FBN2: variants seen among roughly 807,000 people sequenced by gnomAD.
The protein encoded by FBN2 is fibrillin-2.
In FBN2, 105 loss-of-function variants were observed where a neutral mutation model predicts 355.6. That is an observed-to-expected ratio of 0.30 (90% CI 0.25 to 0.35). FBN2 has a LOEUF of 0.35. Among genes scored for constraint, FBN2 ranks in the 10% least tolerant of loss-of-function variants. The pLI is 1.00. For missense variants in FBN2, 3,280 were observed against 3,758.7 expected (o/e 0.87, Z 3.33); for synonymous variants, 1,350 against 1,301.2 (o/e 1.04, Z -0.81).
intron 12 of FBN2, 94 bp downstream of exon 12, chr5:128,378,677 T>C: frequency 7.6e-7 from 1 of 1,322,494 alleles, no homozygotes; most frequent in South Asian, 1.2e-5. Context: ...ACACTTATTT[T>C]ATTCCATGTT....
At chr5:128,484,904 G>A (rs143226987) in intron 5 of FBN2, among the ~76,000 whole-genome samples, 4 of 152,216 alleles carry the variant, frequency 2.6e-5, no homozygotes, top group East Asian at 1.9e-4. Flanking sequence ...TCACACCCAC[G>A]GGCATGTGAC....
At position 128,530,583 on chromosome 5, in the gene FBN2, T is replaced by C. The variant is rs1486634570; in HGVS notation, c.436+12A>G. On this transcript the variant is annotated intron_variant, in intron 3 of 64. Coordinates refer to ENST00000262464, the MANE Select transcript of FBN2 (RefSeq NM_001999.4). Reference sequence around the variant, plus strand: ...AAAAATGCAGTGAAAAGGCCACAAGTAAGAAACATACTTGATTTTGATCCA... The same window carrying C: ...AAAAATGCAGTGAAAAGGCCACAAGCAAGAAACATACTTGATTTTGATCCA... 1 of 1,583,630 alleles carries C rather than the reference T, an allele frequency of 6.3e-7. No homozygotes were observed. The highest frequency in any genetic ancestry group is 8.7e-7 in the Non-Finnish European group (1 of 1,152,414).
chr5:128,312,505 AAGT>A, intron 37 of FBN2, 126 bp downstream of exon 37: 1 of 915,172 alleles, frequency 1.1e-6, no homozygotes, highest in Middle Eastern at 2.4e-4. Flanking sequence ...TGATCACTGA[AAGT>A]AGTTCAAATT....
intron 42 of FBN2, 120 bp downstream of exon 42, chr5:128,307,015 A>G (rs1749903485): frequency 1.4e-6 from 1 of 727,210 alleles, no homozygotes; most frequent in African/African-American, 1.8e-5. Flanking sequence ...ATCTAACTAT[A>G]TTAGATTGGA....
chr5:128,271,556 T>C (rs899226619), intron 62 of FBN2, among the ~76,000 whole-genome samples: 52 of 152,214 alleles, frequency 3.4e-4, no homozygotes, highest in African/African-American at 1.3e-3. Flanking sequence ...CTTCCCATCC[T>C]TTATTAAATC....
chr5:128,487,068 C>T (rs1755358130), intron 5 of FBN2, among the ~76,000 whole-genome samples: 2 of 152,108 alleles, frequency 1.3e-5, no homozygotes, highest in Non-Finnish European at 2.9e-5. Context: ...CGTATCTGCC[C>T]CCTTTAAAAT....
At chr5:128,513,304 T>A (rs1756182508) in intron 5 of FBN2, among the ~76,000 whole-genome samples, 2 of 152,268 alleles carry the variant, frequency 1.3e-5, no homozygotes, top group Admixed American at 6.5e-5. Flanking sequence ...TACTTTTGAG[T>A]AAATTCTATA....
intron 15 of FBN2, among the ~76,000 whole-genome samples, chr5:128,369,868 A>C (rs1033982438): frequency 5.3e-5 from 8 of 152,184 alleles, no homozygotes; most frequent in African/African-American, 1.9e-4. Context: ...AAACTCAGTA[A>C]ATCCAGTTAT....
intron 34 of FBN2, among the ~76,000 whole-genome samples, chr5:128,324,073 G>T (rs1172029327): frequency 6.6e-6 from 1 of 152,160 alleles, no homozygotes. Context: ...TAGTTTATTT[G>T]CAGAGAGGTG....
chr5:128,358,940 A>AT (rs1751569924), intron 19 of FBN2, among the ~76,000 whole-genome samples: 2 of 152,048 alleles, frequency 1.3e-5, no homozygotes, highest in Admixed American at 1.3e-4. Flanking sequence ...CCTTTAAATA[A>AT]TATGTTGTTA....
intron 20 of FBN2, among the ~76,000 whole-genome samples, chr5:128,352,784 A>G (rs1751401848): frequency 6.6e-6 from 1 of 152,262 alleles, no homozygotes; most frequent in African/African-American, 2.4e-5. Context: ...AAACCTCAAC[A>G]GCATATTGTG....
chr5:128,444,118 T>C (rs557700033), intron 7 of FBN2, among the ~76,000 whole-genome samples: 1 of 133,650 alleles, frequency 7.5e-6, no homozygotes, highest in East Asian at 2.5e-4. Flanking sequence ...CAGGCCGGAC[T>C]GCGGACTGCA....
At chr5:128,533,528 G>C (rs765818117) in intron 2 of FBN2, among the ~76,000 whole-genome samples, 1 of 152,180 alleles carries the variant, frequency 6.6e-6, no homozygotes, top group Non-Finnish European at 1.5e-5. Flanking sequence ...GGACCTAGGG[G>C]CTGAGACTTC....
chr5:128,502,179 A>C (rs915014687), intron 5 of FBN2, among the ~76,000 whole-genome samples: 1 of 151,914 alleles, frequency 6.6e-6, no homozygotes, highest in Non-Finnish European at 1.5e-5. Flanking sequence ...TGGAAGGAAA[A>C]AGGTACAAAC....
rs759805834 is a variant in FBN2 at position 128,393,254 on chromosome 5, T to C, written c.1346A>G (p.Asn449Ser). The C allele has an allele frequency of 3.7e-6, 6 of 1,614,030 alleles. No individual in the cohort carries two copies. In the South Asian group the frequency reaches 4.4e-5, roughly 12 times the overall value. ...GNGFAPSGNGNGYGPGGTGFI... is the reference protein window; with the variant it reads ...GNGFAPSGNGSGYGPGGTGFI... ...GCCTGTCCCTCCTGGGCCATAGCCA[T>C]TGCCATTGCCACTTGGGGCAAAGCC... The change falls in exon 10 of 65, where the codon AAT becomes AGT. Residue 449 changes from asparagine to serine, a missense_variant. Physicochemically the swap from Asn to Ser is conservative, Grantham distance 46 (BLOSUM62 1). Coordinates refer to ENST00000262464, the MANE Select transcript of FBN2 (RefSeq NM_001999.4).
intron 58 of FBN2, 122 bp from the exon 59 acceptor site, chr5:128,276,282 C>T: frequency 2.0e-6 from 2 of 1,003,680 alleles, no homozygotes; most frequent in Non-Finnish European, 3.1e-6. Context: ...TGGAATATAG[C>T]CAGAGAGAAA....
Position 128,328,908 on chromosome 5 carries a change from T to C in FBN2, c.4346-87A>G. The C allele has an allele frequency of 5.7e-6, 8 of 1,394,892 alleles. No individual in the cohort carries two copies. The South Asian group carries it at 7.0e-5, about 12-fold the overall frequency. 86.4% of individuals were successfully genotyped at this position (1,394,892 alleles called of 1,614,324 possible). Reference sequence around the variant, plus strand: ...TGCTCTATAAATAGATCAGTTTTACTGGCTTGACTTAATGCTCATTAACAT... The same window carrying C: ...TGCTCTATAAATAGATCAGTTTTACCGGCTTGACTTAATGCTCATTAACAT... On this transcript the variant is annotated intron_variant, in intron 33 of 64. Coordinates refer to ENST00000262464, the MANE Select transcript of FBN2 (RefSeq NM_001999.4).
At chr5:128,443,786 G>C (rs1193897069) in intron 7 of FBN2, among the ~76,000 whole-genome samples, 1 of 152,110 alleles carries the variant, frequency 6.6e-6, no homozygotes, top group African/African-American at 2.4e-5. Flanking sequence ...TCTGCCAATA[G>C]TACTATGTTT....
At chr5:128,475,292 T>C (rs943541155) in intron 5 of FBN2, among the ~76,000 whole-genome samples, 6 of 152,194 alleles carry the variant, frequency 3.9e-5, no homozygotes, top group Non-Finnish European at 7.3e-5. Context: ...GGGAAACCCA[T>C]ATAACTTACT....
Sources: allele counts gnomAD v4.1 joint callset (sites outside exome capture counted in the v4.1 genomes callset), GRCh38; gene constraint gnomAD v4.1.1; transcripts MANE v1.5; gene names NCBI Gene and HGNC (gene_info 2026-07-23, HGNC 2026-07-21).